SHB: variants seen among roughly 807,000 people sequenced by gnomAD.
SHB encodes SH2 domain-containing adapter protein B.
A neutral mutation model predicts 52.3 loss-of-function variants in SHB; 20 were observed. That is an observed-to-expected ratio of 0.38 (90% CI 0.27 to 0.56). The LOEUF is 0.56. Ranked by LOEUF, SHB falls within the 20% of genes least tolerant of loss-of-function variation. SHB has a pLI of 0.71. For missense variants in SHB, 825 were observed against 723.3 expected (o/e 1.14, Z -1.61); for synonymous variants, 397 against 316.5 (o/e 1.25, Z -2.70).
At chr9:38,063,849 T>C (rs1821927023) in intron 1 of SHB, among the ~76,000 whole-genome samples, 1 of 151,594 alleles carries the variant, frequency 6.6e-6, no homozygotes, top group Non-Finnish European at 1.5e-5. Context: ...TCTGTAACTA[T>C]GGAAAAAGTG....
At chr9:38,033,868 C>T (rs1205502146) in intron 1 of SHB, among the ~76,000 whole-genome samples, 1 of 152,162 alleles carries the variant, frequency 6.6e-6, no homozygotes, top group Non-Finnish European at 1.5e-5. Flanking sequence ...ACCCCCCCAG[C>T]ACCACCTCCT....
chr9:37,956,050 C>G lies in SHB; in HGVS notation c.1059G>C (p.Gln353His), dbSNP rs1200051645. 6.4e-7 allele frequency: 1 copy of G among 1,559,040 alleles called. No homozygotes were observed. The highest frequency in any genetic ancestry group is 8.7e-7 in the Non-Finnish European group (1 of 1,150,860). Reference protein sequence around the residue: ...NRVTIPALAAQFNGNEKRQSS... With the variant: ...NRVTIPALAAHFNGNEKRQSS... Reference sequence around the variant, plus strand: ...ACTGCCGCTTCTCGTTGCCATTAAACTGTGCTGTGGGGAGAGAGAGAAAGT... The same window carrying G: ...ACTGCCGCTTCTCGTTGCCATTAAAGTGTGCTGTGGGGAGAGAGAGAAAGT... The change falls in exon 4 of 6, where the codon CAG (glutamine) becomes CAC (histidine). Residue 353 changes from glutamine (Q) to histidine (H), a missense_variant. Transcript: ENST00000377707.
At chr9:37,970,224 G>A (rs1181016044) in intron 3 of SHB, among the ~76,000 whole-genome samples, 2 of 152,226 alleles carry the variant, frequency 1.3e-5, no homozygotes, top group African/African-American at 2.4e-5. Context: ...AGCAGGCAAC[G>A]AACACCCAGG....
At chr9:37,960,006 A>C (rs994149994) in intron 3 of SHB, among the ~76,000 whole-genome samples, 6 of 152,246 alleles carry the variant, frequency 3.9e-5, no homozygotes, top group Non-Finnish European at 5.9e-5. Flanking sequence ...AATCGGTTTC[A>C]TACCAGATAA....
intron 5 of SHB, 124 bp from the exon 6 acceptor site, chr9:37,920,128 C>T: frequency 1.3e-6 from 1 of 741,938 alleles, no homozygotes; most frequent in South Asian, 1.7e-5. Flanking sequence ...CTGCACCTCT[C>T]CAAGCCAGGA....
At chr9:37,926,145 A>C (rs751848869) in intron 5 of SHB, among the ~76,000 whole-genome samples, 1 of 151,920 alleles carries the variant, frequency 6.6e-6, no homozygotes, top group Non-Finnish European at 1.5e-5. Flanking sequence ...ATGGCAAGGT[A>C]CCTCCGTGGT....
chr9:37,994,867 G>A (rs1247493347), intron 2 of SHB, among the ~76,000 whole-genome samples: 2 of 151,950 alleles, frequency 1.3e-5, no homozygotes, highest in African/African-American at 2.4e-5. Flanking sequence ...CTACCTCACC[G>A]TGAAATATTT....
intron 5 of SHB, among the ~76,000 whole-genome samples, chr9:37,944,273 G>A (rs1428692259): frequency 6.6e-6 from 1 of 152,294 alleles, no homozygotes; most frequent in South Asian, 2.1e-4. Context: ...TGGGGGGTGG[G>A]ATGCCGACAG....
intron 2 of SHB, among the ~76,000 whole-genome samples, chr9:37,993,511 G>A (rs12339915): frequency 0.46 from 70,563 of 151,872 alleles, 16,509 homozygotes; most frequent in Middle Eastern, 0.54. Flanking sequence ...ATACATATGT[G>A]ACAAACCTGC....
intron 1 of SHB, among the ~76,000 whole-genome samples, chr9:38,029,673 TAC>T (rs1821388795): frequency 1.3e-5 from 2 of 152,208 alleles, no homozygotes; most frequent in Admixed American, 1.3e-4. Flanking sequence ...GTATTTTTAG[TAC>T]AGACAGGGTT....
At chr9:37,954,613 T>C (rs1832606992) in intron 4 of SHB, among the ~76,000 whole-genome samples, 1 of 152,202 alleles carries the variant, frequency 6.6e-6, no homozygotes, top group Non-Finnish European at 1.5e-5. Flanking sequence ...CAACCCTTTA[T>C]TGCACATTTG....
chr9:37,972,982 GTC>G (rs1471046136), intron 3 of SHB, among the ~76,000 whole-genome samples: 2 of 152,202 alleles, frequency 1.3e-5, no homozygotes, highest in African/African-American at 4.8e-5. Flanking sequence ...GTCACTCACT[GTC>G]TCTCTTTTTA....
intron 1 of SHB, among the ~76,000 whole-genome samples, chr9:38,040,834 A>G (rs970425433): frequency 1.3e-5 from 2 of 150,764 alleles, no homozygotes; most frequent in Non-Finnish European, 3.0e-5. Context: ...CCATAAATGG[A>G]GGAAGCATGA....
chr9:38,001,205 C>G lies in SHB; in HGVS notation c.838+14806G>C, dbSNP rs557751253. 1.4e-3 allele frequency among the ~76,000 whole-genome samples: 208 copies of G among 152,316 alleles called. 3 individuals carry two copies. Among genetic ancestry groups the G allele is most frequent in the East Asian group, 2.3e-3 (12 of 5,184 alleles). The stretch of plus-strand genomic sequence containing the variant: ...TGGCTGATACCTGGCTTGCCCCTTT[C>G]TCCTCTGAAAGGCAGGGGTCCTTAG... On this transcript the variant is annotated intron_variant, in intron 2 of 5. Transcript: ENST00000377707.
chr9:38,020,414 C>A (rs1001699091), intron 1 of SHB, among the ~76,000 whole-genome samples: 16 of 152,354 alleles, frequency 1.1e-4, no homozygotes, highest in Middle Eastern at 3.4e-3. Flanking sequence ...CAGCACCCTT[C>A]CCCACCAGTC....
At chr9:38,011,701 T>TGGG (rs1171216937) in intron 2 of SHB, among the ~76,000 whole-genome samples, 1 of 152,194 alleles carries the variant, frequency 6.6e-6, no homozygotes, top group East Asian at 1.9e-4. Context: ...CTGATACCTC[T>TGGG]GGGGATAGGC....
intron 5 of SHB, among the ~76,000 whole-genome samples, chr9:37,933,169 A>G (rs1373536214): frequency 6.6e-6 from 1 of 152,214 alleles, no homozygotes; most frequent in Non-Finnish European, 1.5e-5. Flanking sequence ...TGCAAATTAT[A>G]TGAATGACCG....
chr9:37,975,674 A>C (rs1820645154), intron 2 of SHB, among the ~76,000 whole-genome samples: 1 of 152,208 alleles, frequency 6.6e-6, no homozygotes, highest in African/African-American at 2.4e-5. Context: ...TCAAACAGGG[A>C]AATTTTACCT....
intron 2 of SHB, among the ~76,000 whole-genome samples, chr9:37,987,268 G>A (rs190798024): frequency 6.6e-6 from 1 of 152,328 alleles, no homozygotes; most frequent in African/African-American, 2.4e-5. Context: ...CTGCGTGCTG[G>A]AGTCTGCTAA....
Sources: gnomAD v4.1 joint callset for allele counts (sites outside exome capture counted in the v4.1 genomes callset) on GRCh38, gnomAD v4.1.1 for gene constraint, MANE v1.5 for transcripts, NCBI Gene and HGNC (gene_info 2026-07-23, HGNC 2026-07-21) for gene names.